The following SETBP1 variants were observed in gnomAD, a reference collection of about 807,000 sequenced individuals.
The protein encoded by SETBP1 is SET binding protein 1, also known as SET-binding protein.
SETBP1 carries 9 observed loss-of-function variants against 101.0 expected under a neutral mutation model. The observed-to-expected ratio is 0.09, with a 90% confidence interval of 0.05 to 0.16. SETBP1 has a LOEUF of 0.16. Ranked by LOEUF, SETBP1 falls within the 10% of genes least tolerant of loss-of-function variation. The pLI is 1.00. For missense variants in SETBP1, 1,858 were observed against 2,033.8 expected, an observed-to-expected ratio of 0.91 and a Z score of 1.66; for synonymous variants, 818 against 788.5, an observed-to-expected ratio of 1.04 and a Z score of -0.63.
At chr18:44,890,131 G>T (rs1246250050) in intron 3 of SETBP1, among the ~76,000 whole-genome samples, 2 of 151,986 alleles carry the variant, frequency 1.3e-5, no homozygotes, top group Non-Finnish European at 1.5e-5. Context: ...ACAATACCTT[G>T]CAAGTTTCAA....
At chr18:44,757,369 T>C (rs567391625) in intron 2 of SETBP1, among the ~76,000 whole-genome samples, 1 of 152,330 alleles carries the variant, frequency 6.6e-6, no homozygotes, top group African/African-American at 2.4e-5. Context: ...CTGCTGGGAA[T>C]AGCAAGCATG....
At chr18:45,000,771 A>G (rs891294772) in intron 4 of SETBP1, among the ~76,000 whole-genome samples, 3 of 144,710 alleles carry the variant, frequency 2.1e-5, no homozygotes, top group African/African-American at 7.8e-5. Flanking sequence ...GACTAGAGCC[A>G]TACATCAACG....
chr18:44,777,436 C>T (rs1671808235), intron 2 of SETBP1, among the ~76,000 whole-genome samples: 1 of 152,176 alleles, frequency 6.6e-6, no homozygotes, highest in Admixed American at 6.5e-5. Flanking sequence ...TAGATTGTGG[C>T]TGTCATTTTG....
intron 5 of SETBP1, among the ~76,000 whole-genome samples, chr18:45,051,490 A>G (rs1387537102): frequency 6.6e-6 from 1 of 152,172 alleles, no homozygotes. Context: ...AGTGGAGGCT[A>G]TACATGTGCT....
At chr18:44,842,997 T>C (rs1763528447) in intron 2 of SETBP1, among the ~76,000 whole-genome samples, 1 of 152,202 alleles carries the variant, frequency 6.6e-6, no homozygotes, top group African/African-American at 2.4e-5. Context: ...AAAGCCAGGG[T>C]CTGACAGCTG....
rs533788705 is a variant in SETBP1, at chr18:44,762,133, A to G, written c.486+60301A>G. Among the ~76,000 whole-genome samples, 606 of 112,276 alleles carry G rather than the reference A, an allele frequency of 5.4e-3. 2 individuals carry two copies. Among genetic ancestry groups the G allele is most frequent in the African/African-American group, 0.018 (560 of 31,038 alleles). 73.7% of individuals were successfully genotyped at this position (112,276 alleles called of 152,430 possible). A position where few individuals can be genotyped will look rare whatever the true frequency, so the allele number is the denominator to read the frequency against. On this transcript the variant is annotated intron_variant, in intron 2 of 5. Coordinates refer to ENST00000649279, the MANE Select transcript of SETBP1 (RefSeq NM_015559.3). ...CAATTGACAGTTCTACCAAGCTTCT[A>G]AACACTTTTTTTTTTTTCTTTTTCC... is the stretch of plus-strand genomic sequence containing the variant.
chr18:45,042,159 T>A (rs2073522108), intron 5 of SETBP1, among the ~76,000 whole-genome samples: 1 of 147,980 alleles, frequency 6.8e-6, no homozygotes. Flanking sequence ...TTTTTTTTTT[T>A]TTTTTTTTGA....
intron 2 of SETBP1, among the ~76,000 whole-genome samples, chr18:44,834,030 A>C (rs1417544125): frequency 6.6e-6 from 1 of 152,350 alleles, no homozygotes; most frequent in South Asian, 2.1e-4. Context: ...GGAAGGGGGA[A>C]GATCTTATTT....
chr18:44,981,928 G>A (rs953238559), intron 4 of SETBP1, among the ~76,000 whole-genome samples: 4 of 152,154 alleles, frequency 2.6e-5, no homozygotes, highest in Admixed American at 6.5e-5. Flanking sequence ...CTTCACTGTA[G>A]CATCTTTCCA....
intron 3 of SETBP1, among the ~76,000 whole-genome samples, chr18:44,925,401 G>A (rs1323617013): frequency 6.6e-6 from 1 of 152,130 alleles, no homozygotes; most frequent in Non-Finnish European, 1.5e-5. Context: ...AGGCTGGATA[G>A]TCAGGCTACT....
intron 5 of SETBP1, among the ~76,000 whole-genome samples, chr18:45,049,660 G>C (rs1275286982): frequency 6.6e-6 from 1 of 152,078 alleles, no homozygotes; most frequent in Non-Finnish European, 1.5e-5. Context: ...ACCCTGACCA[G>C]CTTCTCTCAG....
intron 4 of SETBP1, among the ~76,000 whole-genome samples, chr18:44,971,647 C>G (rs1428971663): frequency 1.3e-5 from 2 of 152,164 alleles, no homozygotes; most frequent in African/African-American, 4.8e-5. Flanking sequence ...CATTTTTTCA[C>G]ATGTCTTTTG....
intron 3 of SETBP1, among the ~76,000 whole-genome samples, chr18:44,912,475 AC>A (rs1468684284): frequency 1.3e-5 from 2 of 151,996 alleles, no homozygotes; most frequent in Non-Finnish European, 2.9e-5. Context: ...TTTTAAGGAA[AC>A]TTTTTGTTTT....
At chr18:44,691,144 C>T (rs1048754811) in intron 1 of SETBP1, among the ~76,000 whole-genome samples, 1 of 152,094 alleles carries the variant, frequency 6.6e-6, no homozygotes, top group African/African-American at 2.4e-5. Flanking sequence ...TGATGTCAAA[C>T]TAAGAGGCTT....
intron 2 of SETBP1, among the ~76,000 whole-genome samples, chr18:44,816,775 C>G (rs1004957294): frequency 1.3e-5 from 2 of 152,142 alleles, no homozygotes; most frequent in Non-Finnish European, 2.9e-5. Context: ...CCAGTTCTAA[C>G]AAAGAAGCAG....
intron 4 of SETBP1, chr18:44,986,451 A>T (rs2072235858): frequency 6.6e-6 from 1 of 152,286 alleles, no homozygotes; most frequent in South Asian, 2.1e-4. Flanking sequence ...GTATAAAAAA[A>T]TTTCTTTCTT....
chr18:44,954,286 T>C (rs1168581400), intron 4 of SETBP1, among the ~76,000 whole-genome samples: 7 of 142,560 alleles, frequency 4.9e-5, no homozygotes, highest in Non-Finnish European at 1.0e-4. Flanking sequence ...AAGTTAGTTA[T>C]TAGGAAAATA....
chr18:45,010,697 T>C (rs2072819633), intron 4 of SETBP1, among the ~76,000 whole-genome samples: 1 of 152,228 alleles, frequency 6.6e-6, no homozygotes, highest in Non-Finnish European at 1.5e-5. Flanking sequence ...TACTAGCAAA[T>C]ACTAATTGGG....
At chr18:44,994,219 GA>G (rs745957418) in intron 4 of SETBP1, among the ~76,000 whole-genome samples, 38 of 151,786 alleles carry the variant, frequency 2.5e-4, no homozygotes, top group Non-Finnish European at 5.2e-4. Flanking sequence ...TTAGATGAGA[GA>G]ACACACACAA....
Sources: gnomAD v4.1 joint callset for allele counts (sites outside exome capture counted in the v4.1 genomes callset) on GRCh38, gnomAD v4.1.1 for gene constraint, MANE v1.5 for transcripts, NCBI Gene and HGNC (gene_info 2026-07-23, HGNC 2026-07-21) for gene names.